The following FLVCR2 variants were observed in gnomAD, a reference collection of about 807,000 sequenced individuals.
FLVCR2 encodes the protein choline/ethanolamine transporter FLVCR2.
FLVCR2 carries 38 observed loss-of-function variants against 48.9 expected under a neutral mutation model. The observed-to-expected ratio is 0.78, with a 90% CI of 0.60 to 1.02. The LOEUF (loss-of-function observed/expected upper bound fraction) is 1.02. FLVCR2 is among the 50% of genes least tolerant of loss of function. FLVCR2 has a pLI of 0.00. For synonymous variants in FLVCR2, 255 were observed against 257.0 expected (o/e 0.99, Z 0.07); for missense variants, 664 against 663.3 (o/e 1.00, Z -0.01).
intron 5 of FLVCR2, among the ~76,000 whole-genome samples, chr14:75,637,113 C>T (rs752184869): frequency 3.4e-4 from 52 of 152,314 alleles, no homozygotes; most frequent in Admixed American, 5.9e-4. Context: ...CATCGTTATT[C>T]CCGCATGCAG....
intron 1 of FLVCR2, among the ~76,000 whole-genome samples, chr14:75,618,059 A>C (rs1355525674): frequency 6.6e-6 from 1 of 152,220 alleles, no homozygotes; most frequent in Admixed American, 6.5e-5. Context: ...CATTAGACAG[A>C]GCCCATGTGC....
At chr14:75,640,347 A>G (rs1890279997) in intron 6 of FLVCR2, among the ~76,000 whole-genome samples, 1 of 151,804 alleles carries the variant, frequency 6.6e-6, no homozygotes, top group African/African-American at 2.4e-5. Context: ...CCTCTTTCAC[A>G]GGAGTCTTTG....
At chr14:75,587,951 A>G (rs1046263016) in intron 1 of FLVCR2, among the ~76,000 whole-genome samples, 2 of 152,228 alleles carry the variant, frequency 1.3e-5, no homozygotes, top group African/African-American at 4.8e-5. Flanking sequence ...AGAAGTGAAT[A>G]CAGTCACTTT....
Position 75,641,250 on chromosome 14 carries a change from C to T in FLVCR2, c.1410C>T (p.Asn470=). Residue 470 remains asparagine (N), a synonymous_variant, in exon 8 of 10, where the codon AAC becomes AAT. Transcript: ENST00000238667. The part of the protein sequence containing the change: ...IIDNYGTKPG[N]IFLCVFLTLG... The stretch of plus-strand genomic sequence containing the variant: ...ACAACTATGGAACCAAGCCTGGGAA[C>T]ATCTTCCTGTGTGTGTTCCTTACTC... 6.2e-7 allele frequency: 1 copy of T among 1,614,082 alleles called. No homozygotes were observed. The highest frequency in any genetic ancestry group is 8.5e-7 in the Non-Finnish European group (1 of 1,179,994).
In FLVCR2 at chr14:75,579,166, C is replaced by T. The variant is rs1352964095; in HGVS notation, c.194C>T (p.Ala65Val). 1.2e-6 allele frequency: 2 copies of T among 1,614,050 alleles called. No individual in the cohort carries two copies. The highest frequency in any genetic ancestry group is 1.7e-5 in the Admixed American group (1 of 60,030). Residue 65 changes from alanine to valine, a missense_variant, in exon 1 of 10, where the codon GCT becomes GTT. Physicochemically the swap from Ala to Val is moderately conservative, Grantham distance 64. Transcript: ENST00000238667. ...GCCTTAGCCCAACCCAGTGGCTTGG[C>T]TCACCCCAGTAGCTCGGGCCCTGAG... ...PSALAQPSGLAHPSSSGPEDL... is the reference protein window; with the variant it reads ...PSALAQPSGLVHPSSSGPEDL...
In FLVCR2 at chr14:75,647,096, T is replaced by A. The variant is rs1890438562; in HGVS notation, c.*624T>A. Reference sequence around the variant, plus strand: ...TAAGAGCTGAGCAAACCAACCATAATAAACTTGACAAAAGACTTTGTTGTG... The same window carrying A: ...TAAGAGCTGAGCAAACCAACCATAAAAAACTTGACAAAAGACTTTGTTGTG... On this transcript the variant is annotated 3_prime_UTR_variant, in exon 10 of 10. Coordinates refer to ENST00000238667, the MANE Select transcript of FLVCR2 (RefSeq NM_017791.3). 6.2e-6 allele frequency: 1 copy of A among 160,336 alleles called. No individual in the cohort carries two copies. The highest frequency in any genetic ancestry group is 5.8e-5 in the Admixed American group (1 of 17,314). The allele number at this position is 160,336 out of a possible 1,614,324, so 9.9% of individuals were successfully genotyped here.
chr14:75,640,977 C>A lies in FLVCR2; in HGVS notation c.1258C>A (p.Pro420Thr). The change falls in exon 7 of 10, where the codon CCA (proline) becomes ACA (threonine). Residue 420 changes from proline (P) to threonine (T), a missense_variant. Coordinates refer to ENST00000238667, the MANE Select transcript of FLVCR2 (RefSeq NM_017791.3). ...CAGCTTCTTTATGACTGGCTATCTCCCACTGGGATTTGAGTTTGCTGTGGA... is the reference window on the plus strand; with the variant it reads ...CAGCTTCTTTATGACTGGCTATCTCACACTGGGATTTGAGTTTGCTGTGGA... ...TMGFFMTGYL[P>T]LGFEFAVELT... The A allele has an allele frequency of 6.2e-7, 1 of 1,613,890 alleles. No individual in the cohort carries two copies. Among genetic ancestry groups the A allele is most frequent in the Non-Finnish European group, 8.5e-7 (1 of 1,179,786 alleles).
chr14:75,587,921 G>A (rs972287996), intron 1 of FLVCR2, among the ~76,000 whole-genome samples: 1 of 152,140 alleles, frequency 6.6e-6, no homozygotes, highest in Admixed American at 6.5e-5. Context: ...AATAGAATAG[G>A]AAAGAATCAG....
At chr14:75,624,392 A>C (rs1889843692) in intron 2 of FLVCR2, among the ~76,000 whole-genome samples, 1 of 152,160 alleles carries the variant, frequency 6.6e-6, no homozygotes, top group Admixed American at 6.5e-5. Flanking sequence ...TGGCATAAAA[A>C]ATAAAAAAGT....
chr14:75,623,977 G>A (rs1282955942), intron 2 of FLVCR2, among the ~76,000 whole-genome samples: 3 of 151,404 alleles, frequency 2.0e-5, no homozygotes, highest in Non-Finnish European at 2.9e-5. Flanking sequence ...ACTTGAACCC[G>A]GGAGGCAGAG....
chr14:75,633,916 T>C (rs1212812474), intron 4 of FLVCR2, among the ~76,000 whole-genome samples: 2 of 152,064 alleles, frequency 1.3e-5, no homozygotes. Flanking sequence ...ACAAGCTAGT[T>C]AGTGTTTCTG....
At chr14:75,608,934 C>T (rs916334654) in intron 1 of FLVCR2, among the ~76,000 whole-genome samples, 16 of 152,174 alleles carry the variant, frequency 1.1e-4, no homozygotes, top group Admixed American at 3.9e-4. Context: ...CTCTGTTCTA[C>T]AACAAGTTCC....
intron 1 of FLVCR2, among the ~76,000 whole-genome samples, chr14:75,607,485 C>G (rs915326935): frequency 3.9e-5 from 6 of 152,138 alleles, no homozygotes; most frequent in Non-Finnish European, 8.8e-5. Context: ...TGCTTTGTGC[C>G]TTTTTGAGAC....
At position 75,586,356 on chromosome 14, in the gene FLVCR2, C is replaced by A. The variant is rs192356507; in HGVS notation, c.669+6715C>A. 3.8e-3 allele frequency among the ~76,000 whole-genome samples: 577 copies of A among 150,838 alleles called. 4 individuals carry two copies. The highest frequency in any genetic ancestry group is 0.014 in the South Asian group (68 of 4,772). ...AGTACATTGATCAGTTAGGGTGGGG[C>A]AGAAACAAATCACAATGATGGAATG... On this transcript the variant is annotated intron_variant, in intron 1 of 9. Coordinates refer to ENST00000238667, the MANE Select transcript of FLVCR2 (RefSeq NM_017791.3).
At chr14:75,600,188 C>G (rs1194248097) in intron 1 of FLVCR2, among the ~76,000 whole-genome samples, 1 of 152,178 alleles carries the variant, frequency 6.6e-6, no homozygotes, top group Non-Finnish European at 1.5e-5. Context: ...AATTATAATG[C>G]ATTAGCATGT....
intron 1 of FLVCR2, among the ~76,000 whole-genome samples, chr14:75,612,434 T>C (rs1376614938): frequency 6.6e-6 from 1 of 152,192 alleles, no homozygotes; most frequent in Non-Finnish European, 1.5e-5. Context: ...CCCTAAGTTC[T>C]TAGAGATCTT....
intron 1 of FLVCR2, among the ~76,000 whole-genome samples, chr14:75,617,428 C>T (rs1889645647): frequency 6.6e-6 from 1 of 152,166 alleles, no homozygotes; most frequent in African/African-American, 2.4e-5. Flanking sequence ...AATTAAATAT[C>T]CCAGGCTGCC....
chr14:75,644,826 T>G (rs1890382235), intron 9 of FLVCR2, among the ~76,000 whole-genome samples: 1 of 152,110 alleles, frequency 6.6e-6, no homozygotes, highest in African/African-American at 2.4e-5. Context: ...GACCTGCTCT[T>G]TCTAATCAGT....
chr14:75,584,683 T>A (rs980397481), intron 1 of FLVCR2, among the ~76,000 whole-genome samples: 3 of 152,250 alleles, frequency 2.0e-5, no homozygotes, highest in Non-Finnish European at 4.4e-5. Context: ...CCTGGAGGTC[T>A]GGCTCGTGAA....
Sources: gnomAD v4.1 joint callset for allele counts (sites outside exome capture counted in the v4.1 genomes callset) on GRCh38, gnomAD v4.1.1 for gene constraint, MANE v1.5 for transcripts, NCBI Gene and HGNC (gene_info 2026-07-23, HGNC 2026-07-21) for gene names.